The following RAD50 variants were observed in gnomAD, a reference collection of about 807,000 sequenced individuals.
RAD50 encodes the protein RAD50 double strand break repair protein, also known as DNA repair protein RAD50.
RAD50 carries 132 observed loss-of-function variants against 168.8 expected under a neutral mutation model. The observed-to-expected ratio is 0.78, with a 90% CI of 0.68 to 0.90. RAD50 has a LOEUF of 0.90. Ranked by LOEUF, RAD50 falls within the 40% of genes least tolerant of loss-of-function variation. RAD50 has a pLI of 0.00. For missense variants in RAD50, 1,347 were observed against 1,534.4 expected, an observed-to-expected ratio of 0.88 and a Z score of 2.04; for synonymous variants, 525 against 497.4, an observed-to-expected ratio of 1.06 and a Z score of -0.74.
chr5:132,574,683 A>G (rs1279866528), intron 2 of RAD50, among the ~76,000 whole-genome samples: 1 of 152,074 alleles, frequency 6.6e-6, no homozygotes, highest in Non-Finnish European at 1.5e-5. Context: ...TTTCCCTTTT[A>G]ATACTGCATC....
At chr5:132,558,610 C>A (rs1455923591) in intron 1 of RAD50, among the ~76,000 whole-genome samples, 2 of 150,840 alleles carry the variant, frequency 1.3e-5, no homozygotes, top group African/African-American at 4.9e-5. Context: ...ACTGGGGAGG[C>A]CGAGGCGGGA....
intron 2 of RAD50, among the ~76,000 whole-genome samples, chr5:132,568,090 A>T (rs575839755): frequency 1.2e-3 from 179 of 150,886 alleles, no homozygotes; most frequent in African/African-American, 4.2e-3. Context: ...TTTTTTTTTG[A>T]GATGGAGTCT....
intron 14 of RAD50, 45 bp from the exon 15 acceptor site, chr5:132,603,875 A>T (rs773421496): frequency 6.8e-7 from 1 of 1,479,336 alleles, no homozygotes; most frequent in Non-Finnish European, 9.4e-7. Context: ...ATTTTGAATA[A>T]TGCAGTAAGT....
chr5:132,629,445 G>T (rs936410314), intron 21 of RAD50, among the ~76,000 whole-genome samples: 1 of 152,158 alleles, frequency 6.6e-6, no homozygotes, highest in African/African-American at 2.4e-5. Context: ...GGAGCCTGGC[G>T]GGGTGGAGAG....
At chr5:132,602,688 C>T (rs1374984416) in intron 13 of RAD50, among the ~76,000 whole-genome samples, 1 of 152,144 alleles carries the variant, frequency 6.6e-6, no homozygotes, top group Non-Finnish European at 1.5e-5. Flanking sequence ...TGTTATAATA[C>T]AGTTATCAAA....
chr5:132,608,582 TTA>T, intron 16 of RAD50, 31 bp from the exon 17 acceptor site: 1 of 1,466,716 alleles, frequency 6.8e-7, no homozygotes, highest in Non-Finnish European at 9.2e-7. Flanking sequence ...TAATGGAATA[TTA>T]TATAATACTT....
rs564401595 is a variant in RAD50 at position 132,566,576 on chromosome 5, C to T, written c.213+7209C>T. Among the ~76,000 whole-genome samples, 13 of 152,176 alleles carry T rather than the reference C, an allele frequency of 8.5e-5. No individual in the cohort carries two copies. The South Asian group carries it at 2.5e-3, about 29-fold the overall frequency. ...CATCCTCAACCCTTGTCCAGGCTGC[C>T]TTCCTATCTCTCCTCGATTATTCCC... On this transcript the variant is annotated intron_variant, in intron 2 of 24. Coordinates refer to ENST00000378823, the MANE Select transcript of RAD50 (RefSeq NM_005732.4).
At position 132,637,210 on chromosome 5, in the gene RAD50, A is replaced by C. The variant is rs754465293; in HGVS notation, c.3475+10A>C. ...ACCTATCGTGGACAAGGTGAGTACC[A>C]TGGTGTATCACAAATGCTCTTTCCA... On this transcript the variant is annotated intron_variant, in intron 22 of 24. Coordinates refer to ENST00000378823, the MANE Select transcript of RAD50 (RefSeq NM_005732.4). The C allele has an allele frequency of 2.5e-6, 4 of 1,609,438 alleles. No individual in the cohort carries two copies. The Admixed American group carries it at 6.7e-5, about 27-fold the overall frequency.
At position 132,595,615 on chromosome 5, in the gene RAD50, C is replaced by T. The variant is rs769496983; in HGVS notation, c.2012C>T (p.Thr671Ile). The part of the protein sequence containing the change: ...GATAVYSQFI[T>I]QLTDENQSCC... ...ACAGCAGTTTACTCCCAGTTCATTA[C>T]TCAGCTAACAGACGAAAACCAGTCA... The change falls in exon 13 of 25, where the codon ACT becomes ATT. Residue 671 changes from threonine to isoleucine, a missense_variant. Physicochemically the swap from Thr to Ile is moderately conservative, Grantham distance 89. Around this residue, in one of 3 missense-constraint regions of RAD50, gnomAD observed 9 missense variants for 27.5 expected, o/e 0.33. Coordinates refer to ENST00000378823, the MANE Select transcript of RAD50 (RefSeq NM_005732.4). 1 of 1,613,968 alleles carries T rather than the reference C, an allele frequency of 6.2e-7. No homozygotes were observed. Among genetic ancestry groups the T allele is most frequent in the Non-Finnish European group, 8.5e-7 (1 of 1,179,946 alleles).
At chr5:132,576,847 TAGACCTA>T (rs1296320039) in intron 3 of RAD50, among the ~76,000 whole-genome samples, 3 of 150,598 alleles carry the variant, frequency 2.0e-5, no homozygotes, top group Admixed American at 6.6e-5. Context: ...CTATACAAAG[TAGACCTA>T]AGAGTGAGCC....
intron 3 of RAD50, among the ~76,000 whole-genome samples, chr5:132,577,802 A>ATT (rs923754085): frequency 0.016 from 1,341 of 84,388 alleles, 175 homozygotes; most frequent in African/African-American, 0.069. Context: ...CCCATTTCTG[A>ATT]TTTTTTTTTT....
rs1294452868 is a variant in RAD50 at position 132,608,637 on chromosome 5, C to G, written c.2741C>G (p.Pro914Arg). 6.3e-7 allele frequency: 1 copy of G among 1,594,936 alleles called. No homozygotes were observed. Among genetic ancestry groups the G allele is most frequent in the South Asian group, 1.1e-5 (1 of 87,864 alleles). The change falls in exon 17 of 25, where the codon CCT becomes CGT. Residue 914 changes from proline (P) to arginine (R), a missense_variant. Pro to Arg is a moderately radical substitution (Grantham distance 103, BLOSUM62 -2). This residue lies in a region of RAD50 where 635 missense variants were observed against 739.2 expected (regional missense o/e 0.86). Transcript: ENST00000378823. The stretch of plus-strand genomic sequence containing the variant: ...TAGGATGCTAAAGAGCAGGTAAGCC[C>G]TTTGGAAACAACATTGGAAAAGTTC... ...EIKDAKEQVS[P>R]LETTLEKFQQ...
At chr5:132,565,319 G>T (rs536996682) in intron 2 of RAD50, among the ~76,000 whole-genome samples, 5 of 151,860 alleles carry the variant, frequency 3.3e-5, no homozygotes, top group Non-Finnish European at 7.4e-5. Flanking sequence ...GTGCAAGAAT[G>T]TACTTATACA....
At chr5:132,583,568 T>C (rs1452937003) in intron 5 of RAD50, among the ~76,000 whole-genome samples, 1 of 152,194 alleles carries the variant, frequency 6.6e-6, no homozygotes, top group East Asian at 1.9e-4. Flanking sequence ...TAACCACTAA[T>C]TTGTTTTCTG....
At chr5:132,621,140 A>C (rs59374867) in intron 21 of RAD50, among the ~76,000 whole-genome samples, 3,692 of 152,264 alleles carry the variant, frequency 0.024, 161 homozygotes, top group African/African-American at 0.085. Flanking sequence ...CATATGCATT[A>C]GTTCTCAAAG....
chr5:132,618,474 GT>G (rs1449841978), intron 21 of RAD50, among the ~76,000 whole-genome samples, 180 bp downstream of exon 21: 4 of 152,098 alleles, frequency 2.6e-5, no homozygotes, highest in African/African-American at 9.7e-5. Context: ...TGCCTCCCGG[GT>G]TCAAATGATT....
chr5:132,571,843 A>G (rs1388515947), intron 2 of RAD50, among the ~76,000 whole-genome samples: 2 of 152,268 alleles, frequency 1.3e-5, no homozygotes, highest in Non-Finnish European at 2.9e-5. Context: ...TGCCAAAGAT[A>G]CATAACCTGA....
At position 132,603,464 on chromosome 5, in the gene RAD50, A is replaced by G. The variant is rs758031764; in HGVS notation, c.2372A>G (p.Asp791Gly). The change falls in exon 14 of 25, where the codon GAT becomes GGT. Residue 791 changes from aspartate to glycine, a missense_variant. Asp to Gly is a moderately conservative substitution (Grantham distance 94, BLOSUM62 -1). Transcript: ENST00000378823. The stretch of plus-strand genomic sequence containing the variant: ...GAAAGTGCCAAAGTATGCCTGACAG[A>G]TGTTACAATTATGGAGAGGTTCCAG... ...EEESAKVCLT[D>G]VTIMERFQME... 1.2e-6 allele frequency: 2 copies of G among 1,613,940 alleles called. No homozygotes were observed. Among genetic ancestry groups the G allele is most frequent in the Non-Finnish European group, 1.7e-6 (2 of 1,179,882 alleles).
intron 2 of RAD50, among the ~76,000 whole-genome samples, chr5:132,575,160 T>C (rs1233663152): frequency 2.0e-5 from 3 of 152,140 alleles, no homozygotes; most frequent in African/African-American, 4.8e-5. Context: ...ACTGGACAAT[T>C]TACAAAAGAA....
Sources: allele counts gnomAD v4.1 joint callset (sites outside exome capture counted in the v4.1 genomes callset), GRCh38; gene constraint gnomAD v4.1.1; regional missense constraint gnomAD v4.1.1; transcripts MANE v1.5; gene names NCBI Gene and HGNC (gene_info 2026-07-23, HGNC 2026-07-21).